Variants in HECTD4 observed in about 807,000 individuals in gnomAD.
The protein encoded by HECTD4 is probable E3 ubiquitin-protein ligase HECTD4.
In HECTD4, 114 loss-of-function variants were observed where a neutral mutation model predicts 471.5. The observed-to-expected ratio is 0.24, with a 90% CI of 0.21 to 0.28. HECTD4 has a LOEUF of 0.28. Ranked by LOEUF, HECTD4 falls within the 10% of genes least tolerant of loss-of-function variation. The pLI, the probability that HECTD4 is intolerant of heterozygous loss-of-function variation, is 1.00. For synonymous variants in HECTD4, 2,012 were observed against 2,256.0 expected, an observed-to-expected ratio of 0.89 and a Z score of 3.07; for missense variants, 3,866 against 5,651.5, an observed-to-expected ratio of 0.68 and a Z score of 10.13.
chr12:112,301,608 G>A (rs1046291808), intron 7 of HECTD4, among the ~76,000 whole-genome samples: 6 of 152,072 alleles, frequency 3.9e-5, no homozygotes, highest in Non-Finnish European at 8.8e-5. Flanking sequence ...CATATTTACT[G>A]TTCTTTATCT....
At chr12:112,178,278 A>T (rs1593899031) in intron 64 of HECTD4, among the ~76,000 whole-genome samples, 6 of 152,282 alleles carry the variant, frequency 3.9e-5, no homozygotes, top group Middle Eastern at 3.4e-3. Flanking sequence ...GTGTTTTGCC[A>T]TGTTGCCCAG....
At chr12:112,287,817 AGCCAAAT>A in intron 7 of HECTD4, among the ~76,000 whole-genome samples, 1 of 152,304 alleles carries the variant, frequency 6.6e-6, no homozygotes, top group African/African-American at 2.4e-5. Flanking sequence ...GAGTAGAAGT[AGCCAAAT>A]CAGGCAGAAA....
Position 112,210,020 on chromosome 12 carries a change from T to A in HECTD4, c.7862A>T (p.Gln2621Leu). Residue 2621 changes from glutamine to leucine, a missense_variant, in exon 50 of 76, where the codon CAG (glutamine) becomes CTG (leucine). Around this residue, in one of 16 missense-constraint regions of HECTD4, gnomAD observed 266 missense variants for 441.6 expected, o/e 0.60. Transcript: ENST00000682272. ...AGTTCCAGGAGGTGACTTACGTTGCTGAGCGGTGGCCACGGCAGCAATCCG... is the reference window on the plus strand; with the variant it reads ...AGTTCCAGGAGGTGACTTACGTTGCAGAGCGGTGGCCACGGCAGCAATCCG... ...PCRIAAVATA[Q>L]QQYDSDTSCH... is the part of the protein sequence containing the mutation. 6.2e-7 allele frequency: 1 copy of A among 1,612,602 alleles called. No individual in the cohort carries two copies. Among genetic ancestry groups the A allele is most frequent in the Non-Finnish European group, 8.5e-7 (1 of 1,179,170 alleles).
intron 67 of HECTD4, 24 bp downstream of exon 67, chr12:112,172,647 G>A: frequency 1.2e-6 from 2 of 1,608,670 alleles, no homozygotes; most frequent in Non-Finnish European, 1.7e-6. Flanking sequence ...CAGCAGGGGA[G>A]GGGATAGGCC....
chr12:112,362,887 A>G (rs865900287), intron 1 of HECTD4, among the ~76,000 whole-genome samples: 1 of 152,158 alleles, frequency 6.6e-6, no homozygotes, highest in Admixed American at 6.6e-5. Context: ...TATTTAGTAG[A>G]GACGGGGTTC....
intron 9 of HECTD4, among the ~76,000 whole-genome samples, chr12:112,277,798 T>C (rs968352846): frequency 2.0e-5 from 3 of 152,242 alleles, no homozygotes; most frequent in Non-Finnish European, 2.9e-5. Flanking sequence ...TATTTATATA[T>C]AACTCTCCAT....
At chr12:112,230,283 T>C (rs1468915959) in intron 40 of HECTD4, among the ~76,000 whole-genome samples, 1 of 152,204 alleles carries the variant, frequency 6.6e-6, no homozygotes, top group Non-Finnish European at 1.5e-5. Flanking sequence ...GACTACTGTT[T>C]GTAATGATGA....
At chr12:112,218,936 G>C (rs2033009134) in intron 45 of HECTD4, among the ~76,000 whole-genome samples, 2 of 151,844 alleles carry the variant, frequency 1.3e-5, no homozygotes, top group Non-Finnish European at 2.9e-5. Flanking sequence ...GTTTCAACAT[G>C]TTGGCCAGGC....
chr12:112,219,480 A>C lies in HECTD4; in HGVS notation c.6980T>G (p.Leu2327Arg), dbSNP rs1342607512. The C allele has an allele frequency of 6.2e-6, 10 of 1,613,140 alleles. No homozygotes were observed. Among genetic ancestry groups the C allele is most frequent in the Non-Finnish European group, 8.5e-6 (10 of 1,179,356 alleles). ...VAQECSAGERLAVVEVQCERL... is the reference protein window; with the variant it reads ...VAQECSAGERRAVVEVQCERL... Reference sequence around the variant, plus strand: ...TTCACACTGTACCTCCACAACTGCAAGTCGCTCTCCTGTAGAGGGCACATG... The same window carrying C: ...TTCACACTGTACCTCCACAACTGCACGTCGCTCTCCTGTAGAGGGCACATG... The change falls in exon 45 of 76, where the codon CTT becomes CGT. Residue 2327 changes from leucine (L) to arginine (R), a missense_variant. Physicochemically the swap from Leu to Arg is moderately radical, Grantham distance 102 (BLOSUM62 -2). Coordinates refer to ENST00000682272, the MANE Select transcript of HECTD4 (RefSeq NM_001388303.1).
chr12:112,179,657 A>G lies in HECTD4; in HGVS notation c.10988-260T>C, dbSNP rs897774228. ...TGGGGACCAGGCTGCTGTCCTCTGC[A>G]CTTGGCCCCTACCTGGTTGCTCGGG... On this transcript the variant is annotated intron_variant, in intron 62 of 75. Coordinates refer to ENST00000682272, the MANE Select transcript of HECTD4 (RefSeq NM_001388303.1). The surrounding 1 kb of genome is among the most constrained non-coding windows in gnomAD (Gnocchi z 4.3). 6.6e-6 allele frequency among the ~76,000 whole-genome samples: 1 copy of G among 152,158 alleles called. No homozygotes were observed. Among genetic ancestry groups the G allele is most frequent in the Non-Finnish European group, 1.5e-5 (1 of 68,022 alleles).
intron 15 of HECTD4, 60 bp downstream of exon 15, chr12:112,265,818 A>T: frequency 7.8e-7 from 1 of 1,279,052 alleles, no homozygotes; most frequent in Non-Finnish European, 1.1e-6. Flanking sequence ...AAACACATTT[A>T]AATGTAAACT....
intron 44 of HECTD4, among the ~76,000 whole-genome samples, chr12:112,222,279 A>G (rs964825377): frequency 1.3e-5 from 2 of 151,900 alleles, no homozygotes; most frequent in African/African-American, 4.8e-5. Context: ...CTGGTCTGGA[A>G]CCCCTGACCT....
rs776582930 is a variant in HECTD4 at position 112,184,661 on chromosome 12, C to T, written c.10305G>A (p.Pro3435=). The T allele has an allele frequency of 1.9e-6, 3 of 1,613,796 alleles. No homozygotes were observed. The highest frequency in any genetic ancestry group is 2.5e-6 in the Non-Finnish European group (3 of 1,179,856). Residue 3435 remains proline (P), a synonymous_variant, in exon 61 of 76, where the codon CCG becomes CCA. Transcript: ENST00000682272. This position sits in a 1 kb window ranked among gnomAD's most constrained non-coding sequence, Gnocchi z 9.1. ...GGVFKDEIYI[P]LQEEDTKKPK... The stretch of plus-strand genomic sequence containing the variant: ...GCTTCTTGGTGTCTTCTTCCTGCAG[C>T]GGGATGTAGATCTCGTCTTTGAAGA...
Position 112,228,579 on chromosome 12 carries a change from T to C in HECTD4, c.6684+68A>G. On this transcript the variant is annotated intron_variant, in intron 42 of 75. Coordinates refer to ENST00000682272, the MANE Select transcript of HECTD4 (RefSeq NM_001388303.1). The surrounding 1 kb of genome is among the most constrained non-coding windows in gnomAD (Gnocchi z 4.9). ...CATTTGTGCTTCTGCACTGAGCATG[T>C]GCATAGACTCATTACAGTACAGTTA... 7.3e-7 allele frequency: 1 copy of C among 1,379,222 alleles called. No homozygotes were observed. The highest frequency in any genetic ancestry group is 1.4e-5 in the South Asian group (1 of 72,418). The allele number at this position is 1,379,222 out of a possible 1,614,324, so 85.4% of individuals were successfully genotyped here. A position where few individuals can be genotyped will look rare whatever the true frequency, so the allele number is the denominator to read the frequency against.
chr12:112,248,493 C>A lies in HECTD4; in HGVS notation c.3970G>T (p.Val1324Leu), dbSNP rs762793461. The change falls in exon 26 of 76, where the codon GTG becomes TTG. Residue 1324 changes from valine to leucine, a missense_variant. Coordinates refer to ENST00000682272, the MANE Select transcript of HECTD4 (RefSeq NM_001388303.1). ...CAAGATACCACCATTTCCTCCATCA[C>A]GTCTGGCTGAATCACTTCTCTGTGA... ...PSIKEVIQPDVMEEMVVSCVI... is the reference protein window; with the variant it reads ...PSIKEVIQPDLMEEMVVSCVI... The A allele has an allele frequency of 1.2e-6, 2 of 1,605,662 alleles. No homozygotes were observed. Among genetic ancestry groups the A allele is most frequent in the Non-Finnish European group, 8.5e-7 (1 of 1,176,366 alleles).
chr12:112,261,098 G>A (rs2034135871), intron 18 of HECTD4, among the ~76,000 whole-genome samples: 1 of 152,168 alleles, frequency 6.6e-6, no homozygotes, highest in South Asian at 2.1e-4. Flanking sequence ...GCTACCCTTA[G>A]ATCATGGCTG....
At chr12:112,279,518 G>C in intron 8 of HECTD4, 132 bp from the exon 9 acceptor site, 2 of 764,950 alleles carry the variant, frequency 2.6e-6, no homozygotes, top group Non-Finnish European at 4.1e-6. Context: ...TTCCAGATTA[G>C]GAAAACAGAA....
In HECTD4 at chr12:112,165,853, C is replaced by G. The variant is rs890827820; in HGVS notation, c.12534+1464G>C. On this transcript the variant is annotated intron_variant, in intron 72 of 75. Coordinates refer to ENST00000682272, the MANE Select transcript of HECTD4 (RefSeq NM_001388303.1). Reference sequence around the variant, plus strand: ...TGGGCTACCAGGGAGACGACAGGGTCGGACCCAAAGGAGACTGACTGCAGC... The same window carrying G: ...TGGGCTACCAGGGAGACGACAGGGTGGGACCCAAAGGAGACTGACTGCAGC... Among the ~76,000 whole-genome samples the G allele has an allele frequency of 6.2e-4, 94 of 152,194 alleles. 2 individuals are homozygous for G. Among genetic ancestry groups the G allele is most frequent in the Non-Finnish European group, 1.3e-4 (9 of 68,030 alleles).
Position 112,235,005 on chromosome 12 carries a change from GCTTA to G in HECTD4, c.5915+68_5915+71del. 1 of 1,383,516 alleles carries G rather than the reference GCTTA, an allele frequency of 7.2e-7. No individual in the cohort carries two copies. Among genetic ancestry groups the G allele is most frequent in the African/African-American group, 1.4e-5 (1 of 69,564 alleles). The allele number at this position is 1,383,516 out of a possible 1,614,324, so 85.7% of individuals were successfully genotyped here. On this transcript the variant is annotated intron_variant, in intron 37 of 75. Transcript: ENST00000682272. This position sits in a 1 kb window ranked among gnomAD's most constrained non-coding sequence, Gnocchi z 5.0. ...CCGAGGCAGTCGATACATGTACAGGGCTTACTTAGCACAGTGCCTGTGACATGGG... is the reference window on the plus strand; with the variant it reads ...CCGAGGCAGTCGATACATGTACAGGGCTTAGCACAGTGCCTGTGACATGGG...
Sources: allele counts gnomAD v4.1 joint callset (sites outside exome capture counted in the v4.1 genomes callset), GRCh38; gene constraint gnomAD v4.1.1; regional missense constraint gnomAD v4.1.1; non-coding constraint Gnocchi (gnomAD v3.1); transcripts MANE v1.5; gene names NCBI Gene and HGNC (gene_info 2026-07-23, HGNC 2026-07-21).